Variants in PCDH11X observed in about 807,000 individuals in gnomAD.
The protein encoded by PCDH11X is protocadherin-11 X-linked.
A neutral mutation model predicts 53.3 loss-of-function variants in PCDH11X; 18 were observed. The observed-to-expected ratio is 0.34, with a 90% CI of 0.23 to 0.50. PCDH11X has a LOEUF of 0.50. Ranked by LOEUF, PCDH11X falls within the 20% of genes least tolerant of loss-of-function variation. PCDH11X has a pLI of 0.98. For missense variants in PCDH11X, 570 were observed against 1,032.4 expected (o/e 0.55, Z 6.14); for synonymous variants, 279 against 393.3 (o/e 0.71, Z 3.44).
intron 6 of PCDH11X, among the ~76,000 whole-genome samples, chrX:92,085,405 C>T (rs1416083859): frequency 9.3e-6 from 1 of 107,085 alleles, no homozygotes; most frequent in Non-Finnish European, 1.9e-5. Context: ...CCTGAATACT[C>T]GATTTAAACC....
chrX:92,576,560 T>C (rs189223672), intron 10 of PCDH11X, among the ~76,000 whole-genome samples: 1 of 103,907 alleles, frequency 9.6e-6, no homozygotes, highest in Admixed American at 1.1e-4. Context: ...TTTTAACTTT[T>C]TGTGTATTCT....
At chrX:92,517,845 A>T (rs901836466) in intron 10 of PCDH11X, among the ~76,000 whole-genome samples, 3 of 110,670 alleles carry the variant, frequency 2.7e-5, no homozygotes, top group Non-Finnish European at 5.7e-5. Flanking sequence ...ACCTGATTCA[A>T]TAAAGTTTTT....
At chrX:91,974,520 T>C (rs1187875789) in intron 6 of PCDH11X, among the ~76,000 whole-genome samples, 1 of 111,166 alleles carries the variant, frequency 9.0e-6, no homozygotes, top group East Asian at 2.8e-4. Flanking sequence ...AATTAAGAGT[T>C]ATATAAAAAC....
intron 6 of PCDH11X, among the ~76,000 whole-genome samples, chrX:91,939,382 C>G (rs780144377): frequency 9.0e-6 from 1 of 110,574 alleles, no homozygotes; most frequent in South Asian, 3.8e-4. Flanking sequence ...TTATGTGGAA[C>G]TAGAGTCTAA....
At chrX:92,148,015 C>CTTT (rs1384344578) in intron 6 of PCDH11X, among the ~76,000 whole-genome samples, 2 of 68,726 alleles carry the variant, frequency 2.9e-5, no homozygotes, top group African/African-American at 8.0e-5. Context: ...CTTTTTCTTT[C>CTTT]CTTCCTTCCT....
intron 10 of PCDH11X, among the ~76,000 whole-genome samples, chrX:92,566,006 A>T (rs1165357263): frequency 1.8e-5 from 2 of 110,595 alleles, no homozygotes; most frequent in Non-Finnish European, 3.8e-5. Flanking sequence ...ATATACTATA[A>T]ATTTTTTGAA....
chrX:92,574,822 T>C (rs1334842386), intron 10 of PCDH11X, among the ~76,000 whole-genome samples: 1 of 111,057 alleles, frequency 9.0e-6, no homozygotes, highest in African/African-American at 3.3e-5. Context: ...TTTTGAGAGG[T>C]AGATGTTCTG....
Position 92,480,900 on chromosome X carries a change from T to C in PCDH11X, c.3367+12578T>C, listed in dbSNP as rs191923242. ...TGGCTGTGGCAGGGCACCTAGTGGG[T>C]ATTGGGGTACTTGTCTCCCTACACA... On this transcript the variant is annotated intron_variant, in intron 10 of 10. Coordinates refer to ENST00000682573, the MANE Select transcript of PCDH11X (RefSeq NM_032968.5). Among the ~76,000 whole-genome samples the C allele has an allele frequency of 2.8e-3, 306 of 110,555 alleles. 1 individual carries two copies. Among genetic ancestry groups the C allele is most frequent in the African/African-American group, 9.4e-3 (285 of 30,388 alleles).
chrX:91,994,776 G>T (rs1280570165), intron 6 of PCDH11X, among the ~76,000 whole-genome samples: 4 of 111,201 alleles, frequency 3.6e-5, no homozygotes, highest in Admixed American at 2.9e-4. Context: ...GTTTACAAGG[G>T]TTCCCTATTC....
chrX:92,409,680 A>G (rs918287981), intron 9 of PCDH11X, among the ~76,000 whole-genome samples: 1 of 112,289 alleles, frequency 8.9e-6, no homozygotes, highest in Non-Finnish European at 1.9e-5. Context: ...CAAAAGATGC[A>G]TTATATTGAA....
At chrX:92,608,275 T>C (rs1927023805) in intron 10 of PCDH11X, among the ~76,000 whole-genome samples, 1 of 99,260 alleles carries the variant, frequency 1.0e-5, no homozygotes, top group Admixed American at 1.1e-4. Flanking sequence ...TTATTTGAAA[T>C]TAACTAGTGG....
At chrX:91,919,560 G>A (rs1272319315) in intron 6 of PCDH11X, among the ~76,000 whole-genome samples, 2 of 110,938 alleles carry the variant, frequency 1.8e-5, no homozygotes, top group Non-Finnish European at 3.8e-5. Flanking sequence ...AAAGCTTTTG[G>A]AAATTGCTGT....
At chrX:92,343,980 C>G (rs2069828882) in intron 8 of PCDH11X, among the ~76,000 whole-genome samples, 1 of 109,434 alleles carries the variant, frequency 9.1e-6, no homozygotes, top group African/African-American at 3.3e-5. Flanking sequence ...TTTTCTTGCC[C>G]CTGTCTCCTA....
intron 6 of PCDH11X, among the ~76,000 whole-genome samples, chrX:91,916,696 G>A (rs1941576671): frequency 9.1e-6 from 1 of 109,401 alleles, no homozygotes; most frequent in East Asian, 2.9e-4. Context: ...CCAACAAAAA[G>A]AAGTCCAGGA....
intron 6 of PCDH11X, among the ~76,000 whole-genome samples, chrX:92,095,064 A>G (rs1411178608): frequency 9.0e-6 from 1 of 111,209 alleles, no homozygotes; most frequent in Non-Finnish European, 1.9e-5. Flanking sequence ...ATTTCAGCTA[A>G]TAAAAATGCA....
chrX:92,025,159 A>G (rs1220079824), intron 6 of PCDH11X, among the ~76,000 whole-genome samples: 3 of 110,380 alleles, frequency 2.7e-5, no homozygotes, highest in African/African-American at 9.9e-5. Flanking sequence ...TCTGCACAGC[A>G]AAAAAAAACT....
In PCDH11X at chrX:91,844,336, A is replaced by G. The variant is rs527371144; in HGVS notation, c.540+8292A>G. 4.5e-5 allele frequency among the ~76,000 whole-genome samples: 5 copies of G among 110,094 alleles called. No homozygotes were observed. In the South Asian group the frequency reaches 1.9e-3, roughly 43 times the overall value. Reference sequence around the variant, plus strand: ...TGTTTTGTTTTGTTTTAAGTCTTCCACTTACCCTCTTTGGCTTATCTCTTG... The same window carrying G: ...TGTTTTGTTTTGTTTTAAGTCTTCCGCTTACCCTCTTTGGCTTATCTCTTG... On this transcript the variant is annotated intron_variant, in intron 5 of 10. Coordinates refer to ENST00000682573, the MANE Select transcript of PCDH11X (RefSeq NM_032968.5).
intron 4 of PCDH11X, among the ~76,000 whole-genome samples, chrX:91,827,410 G>A: frequency 9.0e-6 from 1 of 111,428 alleles, no homozygotes; most frequent in East Asian, 2.8e-4. Context: ...TAGACTGTCT[G>A]TTTACTCTGT....
chrX:91,871,541 C>T (rs1308686774), intron 5 of PCDH11X, among the ~76,000 whole-genome samples: 1 of 106,800 alleles, frequency 9.4e-6, no homozygotes, highest in African/African-American at 3.4e-5. Context: ...TCTAAAAGTG[C>T]TGTGTTATTT....
Sources: gnomAD v4.1 joint callset for allele counts (sites outside exome capture counted in the v4.1 genomes callset) on GRCh38, gnomAD v4.1.1 for gene constraint, MANE v1.5 for transcripts, NCBI Gene and HGNC (gene_info 2026-07-23, HGNC 2026-07-21) for gene names.